SEMA6D: variants seen among roughly 807,000 people sequenced by gnomAD.
SEMA6D encodes the protein semaphorin-6D.
SEMA6D carries 35 observed loss-of-function variants against 106.6 expected under a neutral mutation model. That is an observed-to-expected ratio of 0.33 (90% CI 0.25 to 0.44). The LOEUF is 0.44. Among genes scored for constraint, SEMA6D ranks in the 20% least tolerant of loss-of-function variants. The pLI is 1.00. For missense variants in SEMA6D, 1,185 were observed against 1,345.9 expected, an observed-to-expected ratio of 0.88 and a Z score of 1.87; for synonymous variants, 499 against 487.7, an observed-to-expected ratio of 1.02 and a Z score of -0.31.
chr15:47,604,313 A>T (rs904372217), intron 4 of SEMA6D: 1 of 152,234 alleles, frequency 6.6e-6, no homozygotes, highest in African/African-American at 2.4e-5. Context: ...CGTAATTGTT[A>T]TTACAGTATG....
chr15:47,582,222 A>G (rs576580882), intron 3 of SEMA6D, among the ~76,000 whole-genome samples: 12 of 152,286 alleles, frequency 7.9e-5, no homozygotes, highest in South Asian at 4.1e-4. Flanking sequence ...GAGGAGTGCA[A>G]TGATGCAGTC....
chr15:47,397,794 T>TG (rs2040266878), intron 1 of SEMA6D: 1 of 152,220 alleles, frequency 6.6e-6, no homozygotes, highest in African/African-American at 2.4e-5. Context: ...ATATATCCAT[T>TG]ATTTCCAGGA....
At chr15:47,296,756 A>T (rs2035818906) in intron 1 of SEMA6D, among the ~76,000 whole-genome samples, 1 of 152,172 alleles carries the variant, frequency 6.6e-6, no homozygotes, top group Non-Finnish European at 1.5e-5. Flanking sequence ...ATATTCACAC[A>T]ATTGGTTACC....
At chr15:47,238,432 A>G (rs1384010465) in intron 1 of SEMA6D, among the ~76,000 whole-genome samples, 1 of 152,112 alleles carries the variant, frequency 6.6e-6, no homozygotes. Context: ...AACCCATTCT[A>G]ATTTTCTCAC....
At chr15:47,487,246 C>T (rs1297588294) in intron 3 of SEMA6D, among the ~76,000 whole-genome samples, 1 of 152,108 alleles carries the variant, frequency 6.6e-6, no homozygotes, top group Non-Finnish European at 1.5e-5. Context: ...CCCATAAGAA[C>T]CTTAGAGAAT....
At chr15:47,552,206 T>C (rs1224738708) in intron 3 of SEMA6D, among the ~76,000 whole-genome samples, 1 of 152,076 alleles carries the variant, frequency 6.6e-6, no homozygotes, top group Non-Finnish European at 1.5e-5. Context: ...CTGAAGTCTA[T>C]GTAGCAATAC....
intron 1 of SEMA6D, among the ~76,000 whole-genome samples, chr15:47,350,234 C>T (rs1303975056): frequency 6.7e-6 from 1 of 148,972 alleles, no homozygotes; most frequent in Non-Finnish European, 1.5e-5. Flanking sequence ...CAAACCTGCT[C>T]TGAACTCCTT....
chr15:47,474,915 A>T (rs1306941852), intron 3 of SEMA6D, among the ~76,000 whole-genome samples: 1 of 152,192 alleles, frequency 6.6e-6, no homozygotes, highest in Non-Finnish European at 1.5e-5. Flanking sequence ...GCACGATTTC[A>T]TGGCCATCTA....
chr15:47,513,179 T>A (rs2044284583), intron 3 of SEMA6D, among the ~76,000 whole-genome samples: 1 of 151,336 alleles, frequency 6.6e-6, no homozygotes, highest in African/African-American at 2.4e-5. Context: ...AACAGTCTTC[T>A]CCCTTGAAAA....
intron 2 of SEMA6D, among the ~76,000 whole-genome samples, chr15:47,444,210 A>T (rs1430366034): frequency 6.6e-6 from 1 of 152,194 alleles, no homozygotes; most frequent in East Asian, 1.9e-4. Flanking sequence ...GCACATGCAC[A>T]TACACACCCA....
chr15:47,563,007 A>G (rs1316978892), intron 3 of SEMA6D, among the ~76,000 whole-genome samples: 1 of 152,188 alleles, frequency 6.6e-6, no homozygotes, highest in Non-Finnish European at 1.5e-5. Context: ...AGCAAAAACA[A>G]TGAACTGCTG....
intron 4 of SEMA6D, among the ~76,000 whole-genome samples, chr15:47,673,079 T>A (rs139117521): frequency 2.0e-5 from 3 of 152,198 alleles, no homozygotes; most frequent in African/African-American, 7.2e-5. Context: ...GAATGACATA[T>A]GCCCCTAGCT....
chr15:47,614,963 GT>G (rs2076979670), intron 4 of SEMA6D, among the ~76,000 whole-genome samples: 1 of 151,880 alleles, frequency 6.6e-6, no homozygotes, highest in South Asian at 2.1e-4. Context: ...TTTTATTATT[GT>G]TTCCTCCATA....
chr15:47,406,799 A>C (rs999493813), intron 1 of SEMA6D, among the ~76,000 whole-genome samples: 2 of 151,822 alleles, frequency 1.3e-5, no homozygotes, highest in Non-Finnish European at 2.9e-5. Flanking sequence ...AAAAAAATGA[A>C]GTGACTTGTG....
At chr15:47,643,713 T>A (rs1027023137) in intron 4 of SEMA6D, among the ~76,000 whole-genome samples, 7 of 152,242 alleles carry the variant, frequency 4.6e-5, no homozygotes, top group Non-Finnish European at 1.0e-4. Context: ...CAAATCAGCA[T>A]AATTAGTATA....
chr15:47,397,840 CTGTT>C (rs1682362321), intron 1 of SEMA6D: 1 of 152,166 alleles, frequency 6.6e-6, no homozygotes, highest in Non-Finnish European at 1.5e-5. Flanking sequence ...GTTTGCTTCA[CTGTT>C]TGTTGAGATT....
chr15:47,203,210 C>T (rs1440305283), intron 1 of SEMA6D, among the ~76,000 whole-genome samples: 1 of 152,074 alleles, frequency 6.6e-6, no homozygotes, highest in Non-Finnish European at 1.5e-5. Flanking sequence ...TAGAAGCTGC[C>T]TCAGAATCAA....
intron 1 of SEMA6D, among the ~76,000 whole-genome samples, chr15:47,351,101 T>C (rs897413145): frequency 6.6e-6 from 1 of 152,170 alleles, no homozygotes; most frequent in Non-Finnish European, 1.5e-5. Context: ...ATACCCAATG[T>C]TTTCTTGTCT....
intron 3 of SEMA6D, among the ~76,000 whole-genome samples, chr15:47,565,907 T>C (rs1455346434): frequency 1.3e-5 from 2 of 152,264 alleles, no homozygotes; most frequent in East Asian, 3.8e-4. Context: ...ATCCTGTCAC[T>C]ACTTAATTTT....
Sources: allele counts gnomAD v4.1 joint callset (sites outside exome capture counted in the v4.1 genomes callset), GRCh38; gene constraint gnomAD v4.1.1; transcripts MANE v1.5; gene names NCBI Gene and HGNC (gene_info 2026-07-23, HGNC 2026-07-21).